Variants in QTGAL observed in about 807,000 individuals in gnomAD.
QTGAL encodes BGnT-like protein 1.
At chr17:82,962,810 T>A in the QTGAL span, among the ~76,000 whole-genome samples, 1 of 152,228 alleles carries the variant, frequency 6.6e-6, no homozygotes, top group African/African-American at 2.4e-5. Context: ...GGGGTTTTCT[T>A]ATTTTCTGGC....
the QTGAL span, among the ~76,000 whole-genome samples, chr17:83,030,550 C>T: frequency 2.6e-5 from 4 of 152,218 alleles, no homozygotes; most frequent in Non-Finnish European, 5.9e-5. Context: ...ACGGCTACAG[C>T]CACATCCCTG....
At chr17:82,947,905 C>T in the QTGAL span, 2 of 152,312 alleles carry the variant, frequency 1.3e-5, no homozygotes, top group South Asian at 2.1e-4. Flanking sequence ...AGGAAACACA[C>T]CTGAGTTCAG....
chr17:82,966,541 A>AT, the QTGAL span, among the ~76,000 whole-genome samples: 1 of 152,208 alleles, frequency 6.6e-6, no homozygotes, highest in Non-Finnish European at 1.5e-5. Context: ...CAGAGACCAG[A>AT]AGCAGAGCCG....
chr17:83,031,868 G>T, the QTGAL span, among the ~76,000 whole-genome samples: 3 of 152,240 alleles, frequency 2.0e-5, no homozygotes, highest in Non-Finnish European at 2.9e-5. Flanking sequence ...TTCAGGTGAC[G>T]TTCACACTGG....
chr17:83,039,319 C>CAGATTAGCTCA, the QTGAL span, among the ~76,000 whole-genome samples: 10 of 58,938 alleles, frequency 1.7e-4, no homozygotes, highest in East Asian at 6.2e-4. Context: ...AGACACACTG[C>CAGATTAGCTCA]TGGGCGCCCG....
At chr17:83,008,575 G>A in the QTGAL span, among the ~76,000 whole-genome samples, 7 of 152,182 alleles carry the variant, frequency 4.6e-5, no homozygotes, top group Non-Finnish European at 7.3e-5. Context: ...GCACTGAGAG[G>A]TGAGGTCTGC....
At chr17:82,973,464 G>T in the QTGAL span, among the ~76,000 whole-genome samples, 3 of 152,190 alleles carry the variant, frequency 2.0e-5, no homozygotes, top group Non-Finnish European at 4.4e-5. Flanking sequence ...TCTTCCCGGG[G>T]AGCAGCGCTC....
the QTGAL span, among the ~76,000 whole-genome samples, chr17:82,992,067 A>G: frequency 6.6e-6 from 1 of 152,180 alleles, no homozygotes. Context: ...ATATCTAGAA[A>G]ATCACCTCAA....
chr17:82,996,684 G>T, the QTGAL span, among the ~76,000 whole-genome samples: 1 of 152,250 alleles, frequency 6.6e-6, no homozygotes, highest in South Asian at 2.1e-4. Flanking sequence ...CATGGTACTT[G>T]CATAAAAACA....
the QTGAL span, among the ~76,000 whole-genome samples, chr17:83,046,218 C>T: frequency 6.6e-6 from 1 of 152,170 alleles, no homozygotes; most frequent in Non-Finnish European, 1.5e-5. Flanking sequence ...CAACCTCTGC[C>T]TCCCGGGTTC....
the QTGAL span, among the ~76,000 whole-genome samples, chr17:83,018,097 T>C: frequency 2.0e-4 from 14 of 68,940 alleles, no homozygotes; most frequent in South Asian, 6.2e-4. Flanking sequence ...CGTGCGCCTG[T>C]ATCAGGTACC....
the QTGAL span, among the ~76,000 whole-genome samples, chr17:83,018,834 C>T: frequency 2.0e-5 from 3 of 152,144 alleles, no homozygotes; most frequent in Non-Finnish European, 4.4e-5. Context: ...AGGGCTGGGG[C>T]GAGGCTCTCC....
chr17:82,961,476 A>G, the QTGAL span: 1 of 418,752 alleles, frequency 2.4e-6, no homozygotes, highest in Non-Finnish European at 4.5e-6. Flanking sequence ...GAAGACAGGC[A>G]GCCGAGGAAA....
the QTGAL span, among the ~76,000 whole-genome samples, chr17:82,996,574 A>G: frequency 6.6e-6 from 1 of 152,108 alleles, no homozygotes; most frequent in Admixed American, 6.5e-5. Flanking sequence ...ATGAAACCAC[A>G]GAAGAACCAG....
At chr17:82,972,283 C>A in the QTGAL span, among the ~76,000 whole-genome samples, 5 of 122,674 alleles carry the variant, frequency 4.1e-5, no homozygotes, top group African/African-American at 9.6e-5. Context: ...ACCACAGGGG[C>A]CAGAAGGACC....
chr17:82,995,385 CTTTT>C, the QTGAL span, among the ~76,000 whole-genome samples: 2 of 141,236 alleles, frequency 1.4e-5, no homozygotes. Context: ...ATTTCTTTTT[CTTTT>C]TTTTTTTTTT....
the QTGAL span, among the ~76,000 whole-genome samples, chr17:82,976,535 C>T: frequency 1.9e-4 from 9 of 47,978 alleles, no homozygotes; most frequent in Non-Finnish European, 3.8e-5. Context: ...GGACAGAGCC[C>T]GACTCCATCC....
chr17:82,990,522 G>A, the QTGAL span, among the ~76,000 whole-genome samples: 1 of 152,198 alleles, frequency 6.6e-6, no homozygotes, highest in Admixed American at 6.5e-5. Flanking sequence ...TGGACTGAAT[G>A]GAAAAAACAA....
chr17:83,003,101 GCCCGCCCT>G, the QTGAL span, among the ~76,000 whole-genome samples: 1 of 18,284 alleles, frequency 5.5e-5, no homozygotes, highest in African/African-American at 2.1e-4. Context: ...GGATTCCTGA[GCCCGCCCT>G]CCCGCCCTCC....
Sources: gnomAD v4.1 joint callset for allele counts (sites outside exome capture counted in the v4.1 genomes callset) on GRCh38, gnomAD v4.1.1 for gene constraint, MANE v1.5 for transcripts, NCBI Gene and HGNC (gene_info 2026-07-23, HGNC 2026-07-21) for gene names.